The following PRRC2B variants were observed in gnomAD, a reference collection of about 807,000 sequenced individuals.
The protein encoded by PRRC2B is proline rich coiled-coil 2B.
Under a neutral mutation model 242.3 loss-of-function variants are expected in PRRC2B, and 68 were observed. That is an observed-to-expected ratio of 0.28 (90% CI 0.23 to 0.34). PRRC2B has a LOEUF of 0.34. PRRC2B is among the 10% of genes least tolerant of loss of function. The pLI is 1.00. For missense variants in PRRC2B, 2,835 were observed against 2,954.8 expected (o/e 0.96, Z 0.94); for synonymous variants, 1,228 against 1,173.6 (o/e 1.05, Z -0.95).
At chr9:131,458,503 A>ATT (rs61143148) in intron 10 of PRRC2B, among the ~76,000 whole-genome samples, 1 of 147,484 alleles carries the variant, frequency 6.8e-6, no homozygotes, top group Non-Finnish European at 1.5e-5. Flanking sequence ...ATGTGTTTTT[A>ATT]TTTTTTTTTT....
chr9:131,489,900 T>A (rs1343691061), intron 28 of PRRC2B, among the ~76,000 whole-genome samples: 1 of 150,232 alleles, frequency 6.7e-6, no homozygotes, highest in African/African-American at 2.4e-5. Context: ...CCGTCGCTCC[T>A]GGCTTTCCTG....
At chr9:131,397,110 C>G (rs1837082392) in intron 1 of PRRC2B, among the ~76,000 whole-genome samples, 1 of 152,196 alleles carries the variant, frequency 6.6e-6, no homozygotes, top group Non-Finnish European at 1.5e-5. Flanking sequence ...CCTCTTGGCC[C>G]TTCCTTTTTG....
chr9:131,465,167 C>CAG (rs1330806121), intron 12 of PRRC2B, 89 bp downstream of exon 12: 1 of 1,265,228 alleles, frequency 7.9e-7, no homozygotes, highest in Non-Finnish European at 1.1e-6. Flanking sequence ...TCTTAGCTAG[C>CAG]AGAACGTATG....
chr9:131,474,132 G>A (rs930768198), intron 15 of PRRC2B, among the ~76,000 whole-genome samples: 4 of 152,126 alleles, frequency 2.6e-5, no homozygotes, highest in African/African-American at 9.7e-5. Context: ...CTTTGACCCG[G>A]AGGATTGCCT....
intron 19 of PRRC2B, among the ~76,000 whole-genome samples, chr9:131,481,423 C>T (rs1564299210): frequency 2.0e-5 from 3 of 151,136 alleles, no homozygotes; most frequent in Admixed American, 1.3e-4. Flanking sequence ...GCGGAAATAA[C>T]GACAGAGAAT....
chr9:131,467,364 G>A (rs1484036448), intron 12 of PRRC2B, among the ~76,000 whole-genome samples, 199 bp from the exon 13 acceptor site: 9 of 152,220 alleles, frequency 5.9e-5, no homozygotes, highest in Non-Finnish European at 1.5e-5. Context: ...GACAACAGGT[G>A]AAGCCTCCTC....
intron 6 of PRRC2B, among the ~76,000 whole-genome samples, chr9:131,445,032 T>C (rs956443952): frequency 1.3e-5 from 2 of 152,214 alleles, no homozygotes; most frequent in African/African-American, 4.8e-5. Flanking sequence ...CTTGCCTTGA[T>C]GTATCCCCAA....
chr9:131,408,523 G>T (rs1837426499), intron 1 of PRRC2B, among the ~76,000 whole-genome samples: 1 of 152,180 alleles, frequency 6.6e-6, no homozygotes, highest in Admixed American at 6.5e-5. Flanking sequence ...GAACTAAACA[G>T]AACTTATGTA....
intron 1 of PRRC2B, among the ~76,000 whole-genome samples, chr9:131,420,501 T>TTC (rs1588242598): frequency 1.6e-4 from 3 of 19,014 alleles, no homozygotes; most frequent in Non-Finnish European, 3.7e-4. Flanking sequence ...TTCTTTTTTT[T>TTC]TTTTTTTTTG....
Position 131,475,695 on chromosome 9 carries a change from G to A in PRRC2B, c.3566G>A (p.Ser1189Asn). Residue 1189 changes from serine (S) to asparagine (N), a missense_variant, in exon 16 of 32, where the codon AGC (serine) becomes AAC (asparagine). Physicochemically the swap from Ser to Asn is conservative, Grantham distance 46 (BLOSUM62 1). Transcript: ENST00000683519. Reference protein sequence around the residue: ...RSNKGCSEDHSGLDAKSRGPR... With the variant: ...RSNKGCSEDHNGLDAKSRGPR... ...AACAAGGGGTGCTCTGAGGACCACA[G>A]CGGTCTAGATGCCAAGAGCCGAGGC... 1 of 1,612,932 alleles carries A rather than the reference G, an allele frequency of 6.2e-7. No individual in the cohort carries two copies. The highest frequency in any genetic ancestry group is 8.5e-7 in the Non-Finnish European group (1 of 1,179,634).
At chr9:131,465,461 C>T (rs1353283064) in intron 12 of PRRC2B, among the ~76,000 whole-genome samples, 1 of 152,132 alleles carries the variant, frequency 6.6e-6, no homozygotes, top group Non-Finnish European at 1.5e-5. Flanking sequence ...CCTGTTTCTT[C>T]ATCTGTGAAA....
upstream of PRRC2B, among the ~76,000 whole-genome samples, chr9:131,390,245 T>C (rs1836882301): frequency 1.3e-5 from 2 of 149,898 alleles, no homozygotes; most frequent in African/African-American, 2.4e-5. Flanking sequence ...GTGGCCCTTC[T>C]CTGCCCAGTT....
rs191995127 is a variant in PRRC2B at position 131,462,298 on chromosome 9, T to C, written c.1405-2465T>C. Among the ~76,000 whole-genome samples, 275 of 152,212 alleles carry C rather than the reference T, an allele frequency of 1.8e-3. 2 individuals are homozygous for C. Among genetic ancestry groups the C allele is most frequent in the African/African-American group, 6.3e-3 (261 of 41,562 alleles). On this transcript the variant is annotated intron_variant, in intron 11 of 31. Coordinates refer to ENST00000683519, the MANE Select transcript of PRRC2B (RefSeq NM_013318.4). ...TGTGCTCTCGGCTCACTGCAACTTCTGCCTTCCAGGTTCAAGCAGTCCTTC... is the reference window on the plus strand; with the variant it reads ...TGTGCTCTCGGCTCACTGCAACTTCCGCCTTCCAGGTTCAAGCAGTCCTTC...
At chr9:131,394,014 G>A (rs1280012303), upstream of PRRC2B, 1 of 150,810 alleles carries the variant, frequency 6.6e-6, no homozygotes, top group Non-Finnish European at 1.5e-5. Context: ...GCGGCGGCGG[G>A]AGGAGGAGGA....
intron 28 of PRRC2B, 33 bp from the exon 29 acceptor site, chr9:131,491,391 AT>A (rs1564303309): frequency 1.3e-6 from 2 of 1,553,358 alleles, no homozygotes; most frequent in South Asian, 2.5e-5. Context: ...CCATAGCATC[AT>A]TCCCCCTCCT....
chr9:131,493,499 C>T (rs917756991), intron 30 of PRRC2B, among the ~76,000 whole-genome samples: 2 of 152,232 alleles, frequency 1.3e-5, no homozygotes, highest in African/African-American at 2.4e-5. Flanking sequence ...AAAAGCAAAA[C>T]CCAGAGACAG....
At chr9:131,418,415 T>C (rs1282639412) in intron 1 of PRRC2B, among the ~76,000 whole-genome samples, 1 of 152,222 alleles carries the variant, frequency 6.6e-6, no homozygotes, top group Non-Finnish European at 1.5e-5. Context: ...GCGTTGGTTA[T>C]TATTTGGGGG....
At chr9:131,458,691 C>T (rs1011780551) in intron 10 of PRRC2B, among the ~76,000 whole-genome samples, 16 of 152,238 alleles carry the variant, frequency 1.1e-4, no homozygotes, top group African/African-American at 3.9e-4. Context: ...TTAGTAGAGA[C>T]TTGGTTTCAC....
chr9:131,481,311 CAAAAAAAA>C (rs11404767), intron 19 of PRRC2B, among the ~76,000 whole-genome samples: 5 of 79,260 alleles, frequency 6.3e-5, no homozygotes, highest in Admixed American at 1.7e-4. Context: ...ACTCCGTCTC[CAAAAAAAA>C]AAAAAAAAAA....
Sources: allele counts gnomAD v4.1 joint callset (sites outside exome capture counted in the v4.1 genomes callset), GRCh38; gene constraint gnomAD v4.1.1; transcripts MANE v1.5; gene names NCBI Gene and HGNC (gene_info 2026-07-23, HGNC 2026-07-21).